The following NACA variants were observed in gnomAD, a reference collection of about 807,000 sequenced individuals.
NACA encodes the protein nascent polypeptide associated complex subunit alpha.
NACA carries 42 observed loss-of-function variants against 86.4 expected under a neutral mutation model. That is an observed-to-expected ratio of 0.49 (90% CI 0.38 to 0.63). The LOEUF (loss-of-function observed/expected upper bound fraction) is 0.63. Among genes scored for constraint, NACA ranks in the 20% least tolerant of loss-of-function variants. The pLI, the probability that NACA is intolerant of heterozygous loss-of-function variation, is 0.00. For missense variants in NACA, 2,157 were observed against 2,483.6 expected, an observed-to-expected ratio of 0.87 and a Z score of 2.80; for synonymous variants, 898 against 973.7, an observed-to-expected ratio of 0.92 and a Z score of 1.45.
In NACA at chr12:56,718,983, TGA is replaced by T; in HGVS notation, c.2545_2546del (p.Ser849ThrfsTer79). The T allele has an allele frequency of 6.9e-7, 1 of 1,445,996 alleles. No individual in the cohort carries two copies. The highest frequency in any genetic ancestry group is 9.3e-7 in the Non-Finnish European group (1 of 1,071,008). 89.6% of individuals were successfully genotyped at this position (1,445,996 alleles called of 1,614,324 possible). A position where few individuals can be genotyped will look rare whatever the true frequency, so the allele number is the denominator to read the frequency against. On this transcript the variant is annotated frameshift_variant, in exon 3 of 9. Coordinates refer to ENST00000454682, the MANE Select transcript of NACA (RefSeq NM_001365896.1). LOFTEE classifies it high-confidence loss of function. ...NSLSFQGSKD[S>X]PATTHSPTPP... is the part of the protein sequence containing the mutation. ...GAGTGGGAGAATGCGTCGTGGCTGG[TGA>T]GTCTTTAGAGCCTTGGAAAGAAAGA...
Position 56,720,941 on chromosome 12 carries a change from G to C in NACA, c.589C>G (p.Pro197Ala). The change falls in exon 3 of 9, where the codon CCT (proline) becomes GCT (alanine). Residue 197 changes from proline (P) to alanine (A), a missense_variant. By Grantham distance (27) the Pro-to-Ala change is conservative. Transcript: ENST00000454682. ...NLNKVPSEVVPNPKGTPSPPC... is the reference protein window; with the variant it reads ...NLNKVPSEVVANPKGTPSPPC... ...GGGCTGGGGGTGCCTTTTGGATTAG[G>C]GACTACCTCAGAGGGAACTTTATTA... 6.2e-7 allele frequency: 1 copy of C among 1,613,952 alleles called. No homozygotes were observed. Among genetic ancestry groups the C allele is most frequent in the South Asian group, 1.1e-5 (1 of 91,072 alleles).
chr12:56,721,904 T>TA (rs561183003), intron 2 of NACA, among the ~76,000 whole-genome samples: 1 of 152,196 alleles, frequency 6.6e-6, no homozygotes, highest in Non-Finnish European at 1.5e-5. Flanking sequence ...ACAGCTGTGC[T>TA]ACTCTGTCCA....
At position 56,721,284 on chromosome 12, in the gene NACA, A is replaced by G; in HGVS notation, c.246T>C (p.Phe82=). ...TIASTPLEVP[F]PQSSSGTALP... is the part of the protein sequence containing the mutation. ...GGGCTGTTCCAGAGGATGACTGGGG[A>G]AAAGGAACTTCTAAAGGGGTCGAGG... The change falls in exon 3 of 9, where the codon TTT becomes TTC. Residue 82 remains phenylalanine, a synonymous_variant. Coordinates refer to ENST00000454682, the MANE Select transcript of NACA (RefSeq NM_001365896.1). The G allele has an allele frequency of 6.2e-7, 1 of 1,612,786 alleles. No homozygotes were observed. Among genetic ancestry groups the G allele is most frequent in the Non-Finnish European group, 8.5e-7 (1 of 1,179,382 alleles).
Position 56,724,535 on chromosome 12 carries a change from G to C in NACA, c.-2-12C>G. The C allele has an allele frequency of 6.2e-7, 1 of 1,609,604 alleles. No individual in the cohort carries two copies. Among genetic ancestry groups the C allele is most frequent in the Non-Finnish European group, 8.5e-7 (1 of 1,177,922 alleles). On this transcript the variant is annotated splice_polypyrimidine_tract_variant and intron_variant, in intron 1 of 8. Coordinates refer to ENST00000454682, the MANE Select transcript of NACA (RefSeq NM_001365896.1). ...TTCGCCGGGCATTTCTGAAGGAAGG[G>C]AATAAAAAGGAGGCCTAAATTGATT...
In NACA at chr12:56,717,404, G is replaced by A. The variant is rs775925041; in HGVS notation, c.4126C>T (p.Pro1376Ser). Reference sequence around the variant, plus strand: ...ATAGCGGGACCTCCTTTGTGGGAGGGGGTTGCAGCTGGGGGAGTGGGGCCC... The same window carrying A: ...ATAGCGGGACCTCCTTTGTGGGAGGAGGTTGCAGCTGGGGGAGTGGGGCCC... The part of the protein sequence containing the change: ...KEGPTPPAAT[P>S]SHKGGPAMTP... The change falls in exon 3 of 9, where the codon CCC becomes TCC. Residue 1376 changes from proline (P) to serine (S), a missense_variant. This residue lies in a region of NACA where 797 missense variants were observed against 777.6 expected (regional missense o/e 1.02). Transcript: ENST00000454682. 1 of 1,364,798 alleles carries A rather than the reference G, an allele frequency of 7.3e-7. No individual in the cohort carries two copies. The highest frequency in any genetic ancestry group is 9.7e-7 in the Non-Finnish European group (1 of 1,035,020). 84.5% of individuals were successfully genotyped at this position (1,364,798 alleles called of 1,614,324 possible).
rs776106973 is a variant in NACA, at chr12:56,720,200, TCAC to T, written c.1327_1329del (p.Val443del). 8.1e-6 allele frequency: 13 copies of T among 1,613,872 alleles called. No homozygotes were observed. The African/African-American group carries it at 9.3e-5, about 12-fold the overall frequency. ...GCTGCAGCAATTGTACAGGGGTTAG[TCAC>T]CACAAGTGGGGTGGTTCCAACAGAA... On this transcript the variant is annotated inframe_deletion, in exon 3 of 9. Coordinates refer to ENST00000454682, the MANE Select transcript of NACA (RefSeq NM_001365896.1).
chr12:56,713,508 G>A (rs2137798296), intron 6 of NACA, 29 bp downstream of exon 6: 1 of 1,611,222 alleles, frequency 6.2e-7, no homozygotes, highest in Middle Eastern at 1.7e-4. Flanking sequence ...ACCCTGGTCT[G>A]GAACAATGCC....
At chr12:56,724,597 T>C (rs1199537086) in intron 1 of NACA, 74 bp from the exon 2 acceptor site, 1 of 1,476,196 alleles carries the variant, frequency 6.8e-7, no homozygotes, top group Admixed American at 2.1e-5. Context: ...AGATAAGTAT[T>C]CTTAAAAACT....
In NACA at chr12:56,720,955, G is replaced by T. The variant is rs372575337; in HGVS notation, c.575C>A (p.Pro192His). 1.2e-6 allele frequency: 2 copies of T among 1,614,012 alleles called. No individual in the cohort carries two copies. The highest frequency in any genetic ancestry group is 2.2e-5 in the South Asian group (2 of 91,086). ...SEPKTNLNKV[P>H]SEVVPNPKGT... ...TTTTGGATTAGGGACTACCTCAGAG[G>T]GAACTTTATTAAGATTAGTCTTTGG... The change falls in exon 3 of 9, where the codon CCC becomes CAC. Residue 192 changes from proline (P) to histidine (H), a missense_variant. By Grantham distance (77) the Pro-to-His change is moderately conservative (BLOSUM62 -2). This residue lies in a region of NACA where 947 missense variants were observed against 917.9 expected (regional missense o/e 1.03). Transcript: ENST00000454682.
In NACA at chr12:56,713,612, G is replaced by A; in HGVS notation, c.5895C>T (p.Ile1965=). ...TRVTIRKSKN[I]LFVITKPDVY... ...CATCTGGTTTTGTGATGACAAAGAG[G>A]ATATTCTTAGATTTCCGGATAGTGA... The change falls in exon 6 of 9, where the codon ATC becomes ATT. Residue 1965 remains isoleucine (I), a synonymous_variant. Coordinates refer to ENST00000454682, the MANE Select transcript of NACA (RefSeq NM_001365896.1). 1.2e-6 allele frequency: 2 copies of A among 1,613,902 alleles called. No individual in the cohort carries two copies. Among genetic ancestry groups the A allele is most frequent in the Non-Finnish European group, 1.7e-6 (2 of 1,179,806 alleles).
Position 56,717,995 on chromosome 12 carries a change from G to A in NACA, c.3535C>T (p.Pro1179Ser). 1.8e-6 allele frequency: 2 copies of A among 1,089,274 alleles called. No homozygotes were observed. Among genetic ancestry groups the A allele is most frequent in the Non-Finnish European group, 1.1e-6 (1 of 890,348 alleles). The allele number at this position is 1,089,274 out of a possible 1,614,324, so 67.5% of individuals were successfully genotyped here. ...KGAPTTPAAT[P>S]PSPKGGLATP... ...GCTAGACCTCCTTTTGGGGAAGGAG[G>A]AGTTGCAGCTGGGGTTGTGGGGGCC... is the stretch of plus-strand genomic sequence containing the variant. Residue 1179 changes from proline to serine, a missense_variant, in exon 3 of 9, where the codon CCT becomes TCT. Transcript: ENST00000454682.
intron 1 of NACA, 54 bp from the exon 2 acceptor site, chr12:56,724,577 C>T: frequency 6.5e-7 from 1 of 1,548,216 alleles, no homozygotes. Flanking sequence ...CATTCACTTG[C>T]CCAACCCGGA....
chr12:56,712,919 A>T lies in NACA; in HGVS notation c.6100-11T>A, dbSNP rs1953256722. On this transcript the variant is annotated splice_polypyrimidine_tract_variant and intron_variant, in intron 7 of 8. Transcript: ENST00000454682. Reference sequence around the variant, plus strand: ...ACCTGTTTCATCGACCTGAGAGATGAGAGGGAAAAAGCAGTAAATTAAAGG... The same window carrying T: ...ACCTGTTTCATCGACCTGAGAGATGTGAGGGAAAAAGCAGTAAATTAAAGG... 7.4e-6 allele frequency: 12 copies of T among 1,614,156 alleles called. No individual in the cohort carries two copies. Among genetic ancestry groups the T allele is most frequent in the Non-Finnish European group, 1.0e-5 (12 of 1,179,998 alleles).
Position 56,714,444 on chromosome 12 carries a change from G to A in NACA, c.5746-5C>T. On this transcript the variant is annotated splice_polypyrimidine_tract_variant and splice_region_variant and intron_variant, in intron 4 of 8. Coordinates refer to ENST00000454682, the MANE Select transcript of NACA (RefSeq NM_001365896.1). ...AATTTCAGCTGCTGCCGCCAGCTAA[G>A]AAGATAAAACAGCTATTAGTTAACC... 6.2e-7 allele frequency: 1 copy of A among 1,613,536 alleles called. No homozygotes were observed. Among genetic ancestry groups the A allele is most frequent in the South Asian group, 1.1e-5 (1 of 91,078 alleles).
At chr12:56,714,316 G>C in intron 5 of NACA, 46 bp downstream of exon 5, 1 of 1,580,272 alleles carries the variant, frequency 6.3e-7, no homozygotes, top group Non-Finnish European at 8.7e-7. Context: ...GTTCCACTCT[G>C]TATAAAGGTG....
Position 56,719,973 on chromosome 12 carries a change from G to A in NACA, c.1557C>T (p.Pro519=). ...LPDPEDLKNL[P]SSVLVKFPTQ... is the part of the protein sequence containing the mutation. ...TTGGAAATTTAACCAATACTGAACTGGGGAGATTTTTGAGGTCTTCAGGGT... is the reference window on the plus strand; with the variant it reads ...TTGGAAATTTAACCAATACTGAACTAGGGAGATTTTTGAGGTCTTCAGGGT... Residue 519 remains proline, a synonymous_variant, in exon 3 of 9, where the codon CCC becomes CCT. Coordinates refer to ENST00000454682, the MANE Select transcript of NACA (RefSeq NM_001365896.1). 2 of 1,613,908 alleles carry A rather than the reference G, an allele frequency of 1.2e-6. No homozygotes were observed. Among genetic ancestry groups the A allele is most frequent in the Non-Finnish European group, 1.7e-6 (2 of 1,179,870 alleles).
Position 56,715,999 on chromosome 12 carries a change from A to G in NACA, c.5531T>C (p.Ile1844Thr), listed in dbSNP as rs768729193. The G allele has an allele frequency of 1.9e-5, 31 of 1,593,036 alleles. No individual in the cohort carries two copies. Among genetic ancestry groups the G allele is most frequent in the Non-Finnish European group, 2.5e-5 (29 of 1,168,118 alleles). The stretch of plus-strand genomic sequence containing the variant: ...TCCCCCAGAGATTGGTTCCGGGGGA[A>G]TCAGAGGCAGCAGCTCATCCTCATC... ...PADEDELLPL[I>T]PPEPISGGVP... The change falls in exon 3 of 9, where the codon ATT (isoleucine) becomes ACT (threonine). Residue 1844 changes from isoleucine to threonine, a missense_variant. By Grantham distance (89) the Ile-to-Thr change is moderately conservative. Transcript: ENST00000454682.
Position 56,716,077 on chromosome 12 carries a change from G to C in NACA, c.5453C>G (p.Pro1818Arg), listed in dbSNP as rs141981954. 1 of 1,612,788 alleles carries C rather than the reference G, an allele frequency of 6.2e-7. No homozygotes were observed. ...PTLPPKQQFLPSSPGLVLESP... is the reference protein window; with the variant it reads ...PTLPPKQQFLRSSPGLVLESP... ...TTCCAACACCAGCCCAGGAGAGGACGGCAGAAATTGCTGTTTAGGAGGCAG... is the reference window on the plus strand; with the variant it reads ...TTCCAACACCAGCCCAGGAGAGGACCGCAGAAATTGCTGTTTAGGAGGCAG... The change falls in exon 3 of 9, where the codon CCG (proline) becomes CGG (arginine). Residue 1818 changes from proline to arginine, a missense_variant. By Grantham distance (103) the Pro-to-Arg change is moderately radical. This residue lies in a region of NACA where 797 missense variants were observed against 777.6 expected (regional missense o/e 1.02). Transcript: ENST00000454682.
In NACA at chr12:56,719,432, A is replaced by C. The variant is rs777453491; in HGVS notation, c.2098T>G (p.Leu700Val). The change falls in exon 3 of 9, where the codon TTG becomes GTG. Residue 700 changes from leucine (L) to valine (V), a missense_variant. By Grantham distance (32) the Leu-to-Val change is conservative. Transcript: ENST00000454682. ...VKEGTLTTLP[L>V]VPTASENCPV... ...CAATTTTCTGAAGCTGTAGGAACCA[A>C]GGGTAAAGTAGTAAGAGTACCTTCC... The C allele has an allele frequency of 1.2e-6, 2 of 1,612,648 alleles. No individual in the cohort carries two copies. Among genetic ancestry groups the C allele is most frequent in the Non-Finnish European group, 1.7e-6 (2 of 1,179,452 alleles).
Sources: allele counts gnomAD v4.1 joint callset (sites outside exome capture counted in the v4.1 genomes callset), GRCh38; gene constraint gnomAD v4.1.1; regional missense constraint gnomAD v4.1.1; transcripts MANE v1.5; gene names NCBI Gene and HGNC (gene_info 2026-07-23, HGNC 2026-07-21).